Variants in EDIL3 observed in about 807,000 individuals in gnomAD.
EDIL3 encodes EGF like and discoidin domains 3.
In EDIL3, 37 loss-of-function variants were observed where a neutral mutation model predicts 67.4. The ratio of observed to expected loss-of-function variants is 0.55; its 90% CI spans 0.42 to 0.72. The LOEUF (loss-of-function observed/expected upper bound fraction) is 0.72. EDIL3 is among the 30% of genes least tolerant of loss of function. The probability of loss-of-function intolerance (pLI) is 0.00; values close to 1 mark genes in which losing one functional copy is unlikely to be tolerated. For missense variants in EDIL3, 527 were observed against 586.3 expected (o/e 0.90, Z 1.04); for synonymous variants, 195 against 196.3 (o/e 0.99, Z 0.05).
At chr5:84,154,955 G>A (rs1008607926) in intron 4 of EDIL3, among the ~76,000 whole-genome samples, 3 of 151,858 alleles carry the variant, frequency 2.0e-5, no homozygotes, top group East Asian at 1.9e-4. Context: ...CTGCCTCGGC[G>A]TCCCAAAGTG....
chr5:84,194,286 T>C (rs1743654217), intron 3 of EDIL3, among the ~76,000 whole-genome samples: 2 of 152,024 alleles, frequency 1.3e-5, no homozygotes, highest in South Asian at 2.1e-4. Context: ...GTTCTCATTT[T>C]TGCTGTCCTT....
At chr5:84,145,512 T>C (rs1428539028) in intron 4 of EDIL3, among the ~76,000 whole-genome samples, 1 of 152,064 alleles carries the variant, frequency 6.6e-6, no homozygotes, top group East Asian at 1.9e-4. Flanking sequence ...GAAGGGGACA[T>C]GGGATTGAAT....
At chr5:84,370,927 G>A (rs1480436044) in intron 1 of EDIL3, among the ~76,000 whole-genome samples, 1 of 151,934 alleles carries the variant, frequency 6.6e-6, no homozygotes, top group Non-Finnish European at 1.5e-5. Context: ...ATGCATGCAT[G>A]CATGCATGCA....
At chr5:84,276,107 T>A (rs931906099) in intron 1 of EDIL3, among the ~76,000 whole-genome samples, 35 of 152,306 alleles carry the variant, frequency 2.3e-4, no homozygotes, top group African/African-American at 8.2e-4. Flanking sequence ...TTTTCCTTCC[T>A]ACACACCTTT....
intron 6 of EDIL3, among the ~76,000 whole-genome samples, chr5:84,091,892 G>A (rs944428487): frequency 2.0e-5 from 3 of 152,186 alleles, no homozygotes; most frequent in African/African-American, 4.8e-5. Flanking sequence ...CCATAGGCAG[G>A]TCTCATAAGC....
chr5:84,366,532 A>C (rs73146533), intron 1 of EDIL3, among the ~76,000 whole-genome samples: 174 of 152,186 alleles, frequency 1.1e-3, no homozygotes, highest in African/African-American at 4.0e-3. Flanking sequence ...TGTTTTGTAC[A>C]TTTTTCTTTC....
At chr5:84,083,902 G>A (rs947085214) in intron 6 of EDIL3, among the ~76,000 whole-genome samples, 2 of 152,100 alleles carry the variant, frequency 1.3e-5, no homozygotes, top group Non-Finnish European at 2.9e-5. Flanking sequence ...ACATGATAGA[G>A]TATTTCATTT....
At chr5:84,023,546 C>T (rs1745755193) in intron 9 of EDIL3, among the ~76,000 whole-genome samples, 1 of 151,982 alleles carries the variant, frequency 6.6e-6, no homozygotes, top group Non-Finnish European at 1.5e-5. Flanking sequence ...ATATATGTTT[C>T]TACTAATTTA....
intron 9 of EDIL3, among the ~76,000 whole-genome samples, chr5:84,041,495 CT>C (rs1335778796): frequency 6.7e-6 from 1 of 150,226 alleles, no homozygotes; most frequent in Non-Finnish European, 1.5e-5. Context: ...AGAATTTTCC[CT>C]ATTTCTCATT....
At chr5:84,335,087 G>A (rs1372774183) in intron 1 of EDIL3, among the ~76,000 whole-genome samples, 6 of 152,084 alleles carry the variant, frequency 3.9e-5, no homozygotes, top group Non-Finnish European at 8.8e-5. Context: ...TTTACACAGT[G>A]ATGACTTCTC....
At chr5:84,193,401 ACAG>A (rs1298282957) in intron 3 of EDIL3, among the ~76,000 whole-genome samples, 2 of 151,876 alleles carry the variant, frequency 1.3e-5, no homozygotes, top group Non-Finnish European at 2.9e-5. Flanking sequence ...ATTCACTGAA[ACAG>A]CAACACTGGA....
At chr5:84,213,718 T>C (rs1221107827) in intron 3 of EDIL3, among the ~76,000 whole-genome samples, 1 of 152,172 alleles carries the variant, frequency 6.6e-6, no homozygotes, top group Non-Finnish European at 1.5e-5. Context: ...CTGCTTCAAA[T>C]AAATATATTT....
chr5:84,282,106 C>T (rs1209334179), intron 1 of EDIL3, among the ~76,000 whole-genome samples: 5 of 151,550 alleles, frequency 3.3e-5, no homozygotes, highest in South Asian at 2.1e-4. Flanking sequence ...CTCCTGAGCT[C>T]GTGATTTGTC....
chr5:84,324,265 A>G (rs2112158738), intron 1 of EDIL3, among the ~76,000 whole-genome samples: 1 of 152,100 alleles, frequency 6.6e-6, no homozygotes, highest in Non-Finnish European at 1.5e-5. Context: ...ACAAGAAGGA[A>G]AACTGACATT....
At chr5:84,144,269 CT>C (rs1748253769) in intron 4 of EDIL3, among the ~76,000 whole-genome samples, 1 of 122,858 alleles carries the variant, frequency 8.1e-6, no homozygotes, top group Admixed American at 9.1e-5. Flanking sequence ...ACCCTTCCTC[CT>C]TTCCTTCCTT....
chr5:84,187,709 A>T (rs549921836), intron 3 of EDIL3, among the ~76,000 whole-genome samples: 15 of 152,120 alleles, frequency 9.9e-5, no homozygotes, highest in African/African-American at 3.4e-4. Flanking sequence ...ACATTTTGGC[A>T]GTTGCCATTT....
At position 84,384,324 on chromosome 5, in the gene EDIL3, G is replaced by T. The variant is rs758709287; in HGVS notation, c.51C>A (p.Val17=). The T allele has an allele frequency of 1.2e-6, 2 of 1,610,896 alleles. No individual in the cohort carries two copies. Among genetic ancestry groups the T allele is most frequent in the South Asian group, 1.1e-5 (1 of 90,540 alleles). ...VWLLVGLSLG[V]PQFGKGDICD... The stretch of plus-strand genomic sequence containing the variant: ...ACGCCTTACCTTTGCCGAACTGGGG[G>T]ACACCGAGGCTGAGCCCGACCAAGA... Residue 17 remains valine, a synonymous_variant, in exon 1 of 11, where the codon GTC becomes GTA. Transcript: ENST00000296591.
chr5:84,160,008 TTTCTC>T, intron 4 of EDIL3, among the ~76,000 whole-genome samples: 1 of 152,268 alleles, frequency 6.6e-6, no homozygotes, highest in African/African-American at 2.4e-5. Context: ...CATTCTGACA[TTTCTC>T]TGCAGATTTC....
At chr5:84,186,596 A>G (rs1743455274) in intron 3 of EDIL3, among the ~76,000 whole-genome samples, 1 of 152,092 alleles carries the variant, frequency 6.6e-6, no homozygotes, top group African/African-American at 2.4e-5. Context: ...CTGGAAATTT[A>G]ATTCTAGGAT....
Sources: allele counts gnomAD v4.1 joint callset (sites outside exome capture counted in the v4.1 genomes callset), GRCh38; gene constraint gnomAD v4.1.1; transcripts MANE v1.5; gene names NCBI Gene and HGNC (gene_info 2026-07-23, HGNC 2026-07-21).